SCN7A: variants seen among roughly 807,000 people sequenced by gnomAD.
SCN7A encodes the protein sodium voltage-gated channel alpha subunit 7.
SCN7A carries 138 observed loss-of-function variants against 155.2 expected under a neutral mutation model. That is an observed-to-expected ratio of 0.89 (90% CI 0.77 to 1.02). The LOEUF is 1.02. Ranked by LOEUF, SCN7A falls within the 50% of genes least tolerant of loss-of-function variation. The probability of loss-of-function intolerance (pLI) is 0.00; values close to 1 mark genes in which losing one functional copy is unlikely to be tolerated. For synonymous variants in SCN7A, 693 were observed against 649.0 expected (o/e 1.07, Z -1.03); for missense variants, 2,058 against 1,986.6 (o/e 1.04, Z -0.68).
intron 2 of SCN7A, among the ~76,000 whole-genome samples, chr2:166,484,129 T>C (rs557936578): frequency 2.6e-5 from 4 of 152,092 alleles, no homozygotes; most frequent in Admixed American, 1.3e-4. Flanking sequence ...TGTACATAGA[T>C]AATGGGTTCT....
intron 21 of SCN7A, 126 bp from the exon 22 acceptor site, chr2:166,413,247 GGA>G: frequency 2.2e-6 from 1 of 451,938 alleles, no homozygotes; most frequent in Non-Finnish European, 4.0e-6. Flanking sequence ...TGTGTAATTG[GGA>G]TCCTTAACAT....
In SCN7A at chr2:166,477,452, T is replaced by C; in HGVS notation, c.234+11A>G. 2.1e-6 allele frequency: 3 copies of C among 1,425,584 alleles called. No individual in the cohort carries two copies. Among genetic ancestry groups the C allele is most frequent in the South Asian group, 2.7e-5 (2 of 73,486 alleles). The allele number at this position is 1,425,584 out of a possible 1,614,324, so 88.3% of individuals were successfully genotyped here. A position where few individuals can be genotyped will look rare whatever the true frequency, so the allele number is the denominator to read the frequency against. ...AAAAATGTCATCAAAATAATCTCAATTAATACTCACATTTTTTTTCTTGTA... is the reference window on the plus strand; with the variant it reads ...AAAAATGTCATCAAAATAATCTCAACTAATACTCACATTTTTTTTCTTGTA... On this transcript the variant is annotated intron_variant, in intron 3 of 25. Transcript: ENST00000643258.
At chr2:166,486,513 C>A (rs1028137156) in intron 2 of SCN7A, among the ~76,000 whole-genome samples, 1 of 152,162 alleles carries the variant, frequency 6.6e-6, no homozygotes, top group African/African-American at 2.4e-5. Context: ...CTGGTTAACA[C>A]GCTGGTACTG....
chr2:166,471,660 TA>T (rs1195315632), intron 6 of SCN7A, among the ~76,000 whole-genome samples: 2 of 144,082 alleles, frequency 1.4e-5, no homozygotes, highest in African/African-American at 5.2e-5. Flanking sequence ...CAGAATACAC[TA>T]AATAGAAGCA....
In SCN7A at chr2:166,414,096, T is replaced by C. The variant is rs1473986477; in HGVS notation, c.3415-975A>G. 9.4e-4 allele frequency among the ~76,000 whole-genome samples: 82 copies of C among 86,994 alleles called. 1 individual carries two copies. Among genetic ancestry groups the C allele is most frequent in the Non-Finnish European group, 1.3e-3 (63 of 48,978 alleles). 57.1% of individuals were successfully genotyped at this position (86,994 alleles called of 152,430 possible). On this transcript the variant is annotated intron_variant, in intron 21 of 25. Transcript: ENST00000643258. Reference sequence around the variant, plus strand: ...ATATGTAAATATATGTAAATATATATAATATATTATATATAAATATATATA... The same window carrying C: ...ATATGTAAATATATGTAAATATATACAATATATTATATATAAATATATATA...
intron 14 of SCN7A, among the ~76,000 whole-genome samples, chr2:166,443,085 G>A (rs72623157): frequency 0.21 from 31,404 of 151,902 alleles, 3,541 homozygotes; most frequent in African/African-American, 0.31. Context: ...GACATACACT[G>A]ATTTTTACCT....
intron 16 of SCN7A, among the ~76,000 whole-genome samples, chr2:166,431,220 T>A (rs904567830): frequency 3.9e-5 from 6 of 152,098 alleles, no homozygotes; most frequent in Non-Finnish European, 8.8e-5. Context: ...TATGCCTGTT[T>A]TATAGCAATG....
At chr2:166,460,307 T>C (rs1702374594) in intron 10 of SCN7A, among the ~76,000 whole-genome samples, 1 of 152,198 alleles carries the variant, frequency 6.6e-6, no homozygotes, top group African/African-American at 2.4e-5. Context: ...AAAACCTGTA[T>C]TATTATAGCA....
chr2:166,416,505 C>A (rs930179971), intron 21 of SCN7A, among the ~76,000 whole-genome samples: 1 of 152,142 alleles, frequency 6.6e-6, no homozygotes, highest in Non-Finnish European at 1.5e-5. Context: ...AGCTGGCCAA[C>A]ACTTACGGAA....
chr2:166,470,698 A>G lies in SCN7A; in HGVS notation c.581T>C (p.Ile194Thr). The G allele has an allele frequency of 2.5e-6, 4 of 1,605,520 alleles. No homozygotes were observed. Among genetic ancestry groups the G allele is most frequent in the Non-Finnish European group, 3.4e-6 (4 of 1,175,184 alleles). Reference protein sequence around the residue: ...DFSVTVFEVIIRYSPLDFIPT... With the variant: ...DFSVTVFEVITRYSPLDFIPT... ...AATGAAGTCCAGAGGTGAGTATCTT[A>G]TAATAACCCTGTGGAATTAAATTAG... is the stretch of plus-strand genomic sequence containing the variant. The change falls in exon 7 of 26, where the codon ATA (isoleucine) becomes ACA (threonine). Residue 194 changes from isoleucine to threonine, a missense_variant. Physicochemically the swap from Ile to Thr is moderately conservative, Grantham distance 89. Coordinates refer to ENST00000643258, the MANE Select transcript of SCN7A (RefSeq NM_002976.4).
chr2:166,488,930 G>A (rs921721476), intron 1 of SCN7A, among the ~76,000 whole-genome samples: 4 of 152,096 alleles, frequency 2.6e-5, no homozygotes, highest in African/African-American at 2.4e-5. Flanking sequence ...GAGCCACTGC[G>A]CCCGACCAAC....
At chr2:166,434,240 T>C (rs1042024153) in intron 15 of SCN7A, among the ~76,000 whole-genome samples, 1 of 151,960 alleles carries the variant, frequency 6.6e-6, no homozygotes, top group Non-Finnish European at 1.5e-5. Context: ...TAGATCTTCC[T>C]ATTTCTTAGG....
chr2:166,415,899 G>A (rs976317140), intron 21 of SCN7A, among the ~76,000 whole-genome samples: 1 of 152,028 alleles, frequency 6.6e-6, no homozygotes, highest in Non-Finnish European at 1.5e-5. Context: ...CTGCGGGGTT[G>A]GGCAAAAAGA....
At chr2:166,454,498 G>A (rs1007957941) in intron 11 of SCN7A, among the ~76,000 whole-genome samples, 3 of 152,154 alleles carry the variant, frequency 2.0e-5, no homozygotes, top group Non-Finnish European at 4.4e-5. Flanking sequence ...GACTGGTCAT[G>A]ACTTAATAAA....
chr2:166,460,018 C>A (rs1375685610), intron 10 of SCN7A, among the ~76,000 whole-genome samples: 4 of 152,102 alleles, frequency 2.6e-5, no homozygotes, highest in Non-Finnish European at 5.9e-5. Flanking sequence ...AGGAGAAATA[C>A]CTAATGTAGA....
rs71031244 is a variant in SCN7A, at chr2:166,418,284, C to CTTTTT, written c.3136-1304_3136-1300dup. ...TACAGGCACACGCCACCCCGCCAGG[C>CTTTTT]TTTTTTTTTTTTTTTTTTTTTTTTT... On this transcript the variant is annotated intron_variant, in intron 20 of 25. Coordinates refer to ENST00000643258, the MANE Select transcript of SCN7A (RefSeq NM_002976.4). Among the ~76,000 whole-genome samples, 27 of 60,674 alleles carry CTTTTT rather than the reference C, an allele frequency of 4.5e-4. 1 individual carries two copies. The highest frequency in any genetic ancestry group is 1.6e-3 in the African/African-American group (22 of 13,824). 39.8% of individuals were successfully genotyped at this position (60,674 alleles called of 152,430 possible). A position where few individuals can be genotyped will look rare whatever the true frequency, so the allele number is the denominator to read the frequency against.
At chr2:166,414,806 T>C (rs1241639893) in intron 21 of SCN7A, 1 of 133,610 alleles carries the variant, frequency 7.5e-6, no homozygotes, top group Non-Finnish European at 1.5e-5. Context: ...GGATAATATA[T>C]AGTAGGATAT....
rs916812024 is a variant in SCN7A at position 166,486,899 on chromosome 2, A to T, written c.-58T>A. 2.0e-5 allele frequency: 3 copies of T among 152,214 alleles called. No individual in the cohort carries two copies. The highest frequency in any genetic ancestry group is 2.9e-5 in the Non-Finnish European group (2 of 68,062). 9.4% of individuals were successfully genotyped at this position (152,214 alleles called of 1,614,324 possible). A position where few individuals can be genotyped will look rare whatever the true frequency, so the allele number is the denominator to read the frequency against. On this transcript the variant is annotated 5_prime_UTR_variant, in exon 2 of 26. It removes an upstream start codon present in the reference 5' UTR. Coordinates refer to ENST00000643258, the MANE Select transcript of SCN7A (RefSeq NM_002976.4). ...TCTCCAGAAGATCCACACTCTTTTC[A>T]TATCTTTGGGCACTAGTTTTCCCTC...
At chr2:166,473,221 G>A (rs919913926) in intron 5 of SCN7A, among the ~76,000 whole-genome samples, 2 of 151,596 alleles carry the variant, frequency 1.3e-5, no homozygotes, top group African/African-American at 4.8e-5. Context: ...TAGCTGAGAG[G>A]TGATAGTCTT....
Sources: gnomAD v4.1 joint callset for allele counts (sites outside exome capture counted in the v4.1 genomes callset) on GRCh38, gnomAD v4.1.1 for gene constraint, MANE v1.5 for transcripts, NCBI Gene and HGNC (gene_info 2026-07-23, HGNC 2026-07-21) for gene names.